The following TAFA1 variants were observed in gnomAD, a reference collection of about 807,000 sequenced individuals.
The protein encoded by TAFA1 is chemokine-like protein TAFA-1.
TAFA1 carries 4 observed loss-of-function variants against 18.5 expected under a neutral mutation model. The observed-to-expected ratio is 0.22, with a 90% CI of 0.11 to 0.49. The LOEUF is 0.49. Among genes scored for constraint, TAFA1 ranks in the 20% least tolerant of loss-of-function variants. The pLI is 0.98. For missense variants in TAFA1, 147 were observed against 169.0 expected, an observed-to-expected ratio of 0.87 and a Z score of 0.72; for synonymous variants, 56 against 55.2, an observed-to-expected ratio of 1.01 and a Z score of -0.06.
intron 2 of TAFA1, among the ~76,000 whole-genome samples, chr3:68,025,154 C>T (rs1704787707): frequency 6.6e-6 from 1 of 152,184 alleles, no homozygotes; most frequent in South Asian, 2.1e-4. Flanking sequence ...TCCTTACTCA[C>T]ATCGAAAACC....
At chr3:68,269,212 G>C (rs2067611484) in intron 2 of TAFA1, among the ~76,000 whole-genome samples, 1 of 152,156 alleles carries the variant, frequency 6.6e-6, no homozygotes, top group Non-Finnish European at 1.5e-5. Context: ...CCAGTGCTTT[G>C]GGAGGCCATG....
At chr3:68,451,681 A>G (rs1177666139) in intron 3 of TAFA1, among the ~76,000 whole-genome samples, 1 of 152,238 alleles carries the variant, frequency 6.6e-6, no homozygotes, top group Admixed American at 6.5e-5. Flanking sequence ...GTATAATGAC[A>G]TGAGAAGACA....
At position 68,164,660 on chromosome 3, in the gene TAFA1, T is replaced by TGTGTGG. The variant is rs1201559294; in HGVS notation, c.118+157917_118+157918insTGTGGG. Among the ~76,000 whole-genome samples the TGTGTGG allele has an allele frequency of 1.1e-3, 162 of 151,260 alleles. 1 individual carries two copies. Among genetic ancestry groups the TGTGTGG allele is most frequent in the East Asian group, 4.1e-3 (21 of 5,164 alleles). On this transcript the variant is annotated intron_variant, in intron 2 of 4. Coordinates refer to ENST00000478136, the MANE Select transcript of TAFA1 (RefSeq NM_213609.4). The stretch of plus-strand genomic sequence containing the variant: ...GTGTGTGTGTGTGTGTGTGTGTGTG[T>TGTGTGG]GGGAGGTAGTTACACGGGGAAGTTA...
At chr3:68,002,908 A>G (rs1387639288), upstream of TAFA1, among the ~76,000 whole-genome samples, 1 of 152,196 alleles carries the variant, frequency 6.6e-6, no homozygotes, top group Non-Finnish European at 1.5e-5. Flanking sequence ...ATACTATAGA[A>G]TGTGCTAGCA....
intron 2 of TAFA1, among the ~76,000 whole-genome samples, chr3:68,086,447 TTGTC>T (rs1259982766): frequency 2.0e-5 from 3 of 152,224 alleles, no homozygotes; most frequent in African/African-American, 7.2e-5. Flanking sequence ...TATGTCTCAA[TTGTC>T]TGAGTTTTGG....
chr3:68,372,527 C>T (rs2069727870), intron 2 of TAFA1, among the ~76,000 whole-genome samples: 1 of 152,120 alleles, frequency 6.6e-6, no homozygotes, highest in Admixed American at 6.6e-5. Flanking sequence ...TTCCTCTGGG[C>T]ATGTGGTCAA....
intron 2 of TAFA1, among the ~76,000 whole-genome samples, chr3:68,397,318 T>C (rs2106734438): frequency 6.6e-6 from 1 of 152,126 alleles, no homozygotes; most frequent in South Asian, 2.1e-4. Flanking sequence ...CCTTGCCCCC[T>C]ACCCGCCAAC....
intron 2 of TAFA1, among the ~76,000 whole-genome samples, chr3:68,336,495 A>G (rs750857873): frequency 6.6e-6 from 1 of 152,226 alleles, no homozygotes; most frequent in Non-Finnish European, 1.5e-5. Flanking sequence ...CCACCATCAG[A>G]TCTGTGAGAA....
chr3:68,217,043 G>T (rs904483329), intron 2 of TAFA1, among the ~76,000 whole-genome samples: 2 of 152,046 alleles, frequency 1.3e-5, no homozygotes, highest in African/African-American at 4.8e-5. Context: ...TATGAATTCT[G>T]CATTGTGACT....
chr3:68,159,186 G>T (rs539432350), intron 2 of TAFA1, among the ~76,000 whole-genome samples: 1 of 152,214 alleles, frequency 6.6e-6, no homozygotes, highest in East Asian at 1.9e-4. Flanking sequence ...GAAGATGATA[G>T]CACACCACCT....
At chr3:68,064,510 A>G (rs1559722880) in intron 2 of TAFA1, among the ~76,000 whole-genome samples, 1 of 152,230 alleles carries the variant, frequency 6.6e-6, no homozygotes, top group Non-Finnish European at 1.5e-5. Context: ...CTAAAGTTCA[A>G]CTGCTGCTAA....
rs144491525 is a variant in TAFA1 at position 68,372,108 on chromosome 3, C to G, written c.119-45172C>G. On this transcript the variant is annotated intron_variant, in intron 2 of 4. Coordinates refer to ENST00000478136, the MANE Select transcript of TAFA1 (RefSeq NM_213609.4). ...GATAAAAGTGCCTCCTTATTTCTCC[C>G]ACTTTTATCCAAACTTTTGGATAAA... 4.7e-3 allele frequency among the ~76,000 whole-genome samples: 716 copies of G among 152,286 alleles called. 5 individuals carry two copies. Among genetic ancestry groups the G allele is most frequent in the African/African-American group, 0.016 (679 of 41,566 alleles).
chr3:67,996,271 T>G, the TAFA1 span, among the ~76,000 whole-genome samples: 4 of 152,180 alleles, frequency 2.6e-5, no homozygotes, highest in South Asian at 8.3e-4. Context: ...TGGAATAATA[T>G]TAGGTTGGAA....
At chr3:68,421,446 A>G (rs2070953970) in intron 3 of TAFA1, among the ~76,000 whole-genome samples, 1 of 152,188 alleles carries the variant, frequency 6.6e-6, no homozygotes, top group South Asian at 2.1e-4. Flanking sequence ...AAAATTAAAT[A>G]TAAAGTGTGA....
intron 2 of TAFA1, among the ~76,000 whole-genome samples, chr3:68,294,008 A>G (rs774007169): frequency 6.6e-6 from 1 of 152,186 alleles, no homozygotes; most frequent in African/African-American, 2.4e-5. Context: ...TGTGAAATGC[A>G]CTCAGAGGAA....
At position 68,028,446 on chromosome 3, in the gene TAFA1, T is replaced by C. The variant is rs534824860; in HGVS notation, c.118+21702T>C. 9.7e-4 allele frequency among the ~76,000 whole-genome samples: 147 copies of C among 152,296 alleles called. 3 individuals are homozygous for C. The highest frequency in any genetic ancestry group is 3.2e-3 in the African/African-American group (132 of 41,582). Reference sequence around the variant, plus strand: ...ATTATTTTTAACCCAAAATACTTTATTGGTCTTCTATGACTGCTGTAACAA... The same window carrying C: ...ATTATTTTTAACCCAAAATACTTTACTGGTCTTCTATGACTGCTGTAACAA... On this transcript the variant is annotated intron_variant, in intron 2 of 4. Coordinates refer to ENST00000478136, the MANE Select transcript of TAFA1 (RefSeq NM_213609.4).
chr3:68,355,137 A>G (rs1223783769), intron 2 of TAFA1, among the ~76,000 whole-genome samples: 2 of 151,928 alleles, frequency 1.3e-5, no homozygotes, highest in Non-Finnish European at 2.9e-5. Context: ...AGTTCTGCAA[A>G]AAACTGTGAG....
chr3:68,512,394 G>T (rs1223242790), intron 3 of TAFA1, among the ~76,000 whole-genome samples: 2 of 152,006 alleles, frequency 1.3e-5, no homozygotes, highest in African/African-American at 4.8e-5. Flanking sequence ...GAAAATAGAT[G>T]CTGGTATTAT....
intron 2 of TAFA1, among the ~76,000 whole-genome samples, chr3:68,222,088 G>T (rs974010908): frequency 6.6e-6 from 1 of 152,138 alleles, no homozygotes. Flanking sequence ...AGGATGAGAG[G>T]AGTAGAAGAG....
Sources: allele counts gnomAD v4.1 joint callset (sites outside exome capture counted in the v4.1 genomes callset), GRCh38; gene constraint gnomAD v4.1.1; transcripts MANE v1.5; gene names NCBI Gene and HGNC (gene_info 2026-07-23, HGNC 2026-07-21).